Variants in KCTD8 observed in about 807,000 individuals in gnomAD.
KCTD8 encodes potassium channel tetramerization domain containing 8.
Under a neutral mutation model 31.5 loss-of-function variants are expected in KCTD8, and 27 were observed. The ratio of observed to expected loss-of-function variants is 0.86; its 90% confidence interval spans 0.63 to 1.18. The LOEUF (loss-of-function observed/expected upper bound fraction) is 1.18, where lower values mean the gene tolerates loss of function less well. KCTD8 is among the 50% of genes most tolerant of loss of function. The pLI is 0.00. For missense variants in KCTD8, 658 were observed against 647.7 expected (o/e 1.02, Z -0.17); for synonymous variants, 290 against 280.0 (o/e 1.04, Z -0.36).
chr4:44,399,460 G>A (rs1470019166), intron 1 of KCTD8, among the ~76,000 whole-genome samples: 2 of 152,156 alleles, frequency 1.3e-5, no homozygotes, highest in African/African-American at 4.8e-5. Flanking sequence ...AAGGATGTAA[G>A]CAAGATCCCA....
intron 1 of KCTD8, among the ~76,000 whole-genome samples, chr4:44,263,191 G>A (rs752393720): frequency 2.5e-4 from 38 of 152,110 alleles, no homozygotes; most frequent in Middle Eastern, 6.8e-3. Flanking sequence ...AGGCATAACA[G>A]CAAGTTTATG....
At chr4:44,334,232 C>T (rs1353129760) in intron 1 of KCTD8, among the ~76,000 whole-genome samples, 1 of 152,008 alleles carries the variant, frequency 6.6e-6, no homozygotes, top group Non-Finnish European at 1.5e-5. Flanking sequence ...CTTCTAGTTA[C>T]TATGATACAG....
intron 1 of KCTD8, among the ~76,000 whole-genome samples, chr4:44,237,189 A>C (rs1350977603): frequency 6.6e-6 from 1 of 152,176 alleles, no homozygotes; most frequent in Non-Finnish European, 1.5e-5. Context: ...GGAATTTCCC[A>C]CTGCACTCCT....
intron 1 of KCTD8, among the ~76,000 whole-genome samples, chr4:44,364,473 G>T (rs1462281027): frequency 6.6e-6 from 1 of 152,110 alleles, no homozygotes; most frequent in Admixed American, 6.6e-5. Flanking sequence ...TCTCATTTTT[G>T]ATGAAAGTGC....
chr4:44,278,887 T>C (rs574595152), intron 1 of KCTD8, among the ~76,000 whole-genome samples: 2 of 152,176 alleles, frequency 1.3e-5, no homozygotes, highest in East Asian at 3.9e-4. Context: ...CAATATTTTC[T>C]TTATTGATAT....
At chr4:44,233,837 G>A (rs187199153) in intron 1 of KCTD8, among the ~76,000 whole-genome samples, 1 of 151,866 alleles carries the variant, frequency 6.6e-6, no homozygotes, top group South Asian at 2.1e-4. Context: ...TGACATAAAC[G>A]ATGTAGACTA....
At chr4:44,366,292 C>T (rs2109433244) in intron 1 of KCTD8, among the ~76,000 whole-genome samples, 1 of 152,264 alleles carries the variant, frequency 6.6e-6, no homozygotes, top group Admixed American at 6.5e-5. Context: ...ACATGTGATT[C>T]CCAGTGTTAG....
At chr4:44,278,629 T>C (rs753239501) in intron 1 of KCTD8, among the ~76,000 whole-genome samples, 11 of 152,066 alleles carry the variant, frequency 7.2e-5, no homozygotes, top group Non-Finnish European at 1.5e-4. Context: ...TAAAATTTTG[T>C]AGACTTGGAA....
At chr4:44,419,268 A>AGGG in intron 1 of KCTD8, among the ~76,000 whole-genome samples, 1 of 152,310 alleles carries the variant, frequency 6.6e-6, no homozygotes, top group South Asian at 2.1e-4. Context: ...ATATGTGAAA[A>AGGG]GAAACAGAGG....
chr4:44,435,617 G>A (rs1214778317), intron 1 of KCTD8, among the ~76,000 whole-genome samples: 1 of 151,986 alleles, frequency 6.6e-6, no homozygotes, highest in Non-Finnish European at 1.5e-5. Flanking sequence ...GTAAAGAAAT[G>A]CCATAAGGGG....
chr4:44,233,539 T>C (rs1022591700), intron 1 of KCTD8, among the ~76,000 whole-genome samples: 2 of 152,198 alleles, frequency 1.3e-5, no homozygotes, highest in Non-Finnish European at 2.9e-5. Flanking sequence ...TGCTTCAACA[T>C]GGCAAATATA....
intron 1 of KCTD8, among the ~76,000 whole-genome samples, chr4:44,272,825 T>C (rs1716651975): frequency 6.6e-6 from 1 of 152,094 alleles, no homozygotes; most frequent in Non-Finnish European, 1.5e-5. Context: ...CACTTATTAC[T>C]GCAATGCCAC....
intron 1 of KCTD8, among the ~76,000 whole-genome samples, chr4:44,443,519 C>A (rs1193613443): frequency 2.0e-5 from 3 of 152,128 alleles, no homozygotes; most frequent in South Asian, 2.1e-4. Flanking sequence ...TATAAAAATT[C>A]ATTAAGACAA....
chr4:44,406,895 G>A (rs950549514), intron 1 of KCTD8, among the ~76,000 whole-genome samples: 9 of 152,014 alleles, frequency 5.9e-5, no homozygotes, highest in East Asian at 1.9e-4. Context: ...ACTTCAAATC[G>A]GATATGTACA....
chr4:44,237,156 T>A (rs1715316104), intron 1 of KCTD8, among the ~76,000 whole-genome samples: 1 of 152,074 alleles, frequency 6.6e-6, no homozygotes, highest in African/African-American at 2.4e-5. Flanking sequence ...ATTCACCACA[T>A]CCCTTGTTTC....
At chr4:44,395,391 A>G (rs1292724754) in intron 1 of KCTD8, among the ~76,000 whole-genome samples, 1 of 152,144 alleles carries the variant, frequency 6.6e-6, no homozygotes, top group African/African-American at 2.4e-5. Context: ...AATCTGGCTA[A>G]GAGTAACTGG....
At chr4:44,291,960 G>GAAAAAAAAA (rs571458412) in intron 1 of KCTD8, among the ~76,000 whole-genome samples, 4 of 88,432 alleles carry the variant, frequency 4.5e-5, no homozygotes, top group Non-Finnish European at 6.6e-5. Flanking sequence ...TGGCTATTAT[G>GAAAAAAAAA]AAAAAAAAAA....
intron 1 of KCTD8, among the ~76,000 whole-genome samples, chr4:44,438,443 T>C (rs1041994355): frequency 2.1e-4 from 32 of 152,116 alleles, no homozygotes; most frequent in African/African-American, 7.2e-4. Flanking sequence ...AAGATTATGA[T>C]TAAGAAGTGC....
At chr4:44,319,449 G>A (rs1474615636) in intron 1 of KCTD8, among the ~76,000 whole-genome samples, 1 of 150,420 alleles carries the variant, frequency 6.6e-6, no homozygotes, top group Non-Finnish European at 1.5e-5. Context: ...TAGGGACTGA[G>A]TACCCCTGTG....
Sources: allele counts gnomAD v4.1 joint callset (sites outside exome capture counted in the v4.1 genomes callset), GRCh38; gene constraint gnomAD v4.1.1; transcripts MANE v1.5; gene names NCBI Gene and HGNC (gene_info 2026-07-23, HGNC 2026-07-21).